WNK3: variants seen among roughly 807,000 people sequenced by gnomAD.
WNK3 encodes the protein serine/threonine-protein kinase WNK3.
A neutral mutation model predicts 116.7 loss-of-function variants in WNK3; 18 were observed. That is an observed-to-expected ratio of 0.15 (90% CI 0.11 to 0.23). WNK3 has a LOEUF of 0.23. Among genes scored for constraint, WNK3 ranks in the 10% least tolerant of loss-of-function variants. The probability of loss-of-function intolerance (pLI) is 1.00; values close to 1 mark genes in which losing one functional copy is unlikely to be tolerated. For missense variants in WNK3, 993 were observed against 1,323.8 expected (o/e 0.75, Z 3.88); for synonymous variants, 404 against 469.4 (o/e 0.86, Z 1.80).
chrX:54,248,698 T>G, exon 17 of WNK3: 1 of 1,198,783 alleles, frequency 8.3e-7, no homozygotes, highest in Non-Finnish European at 1.1e-6. Context: ...GATACTTACA[T>G]GTAAACACAA....
At chrX:54,301,159 C>A (rs782312014) in intron 6 of WNK3, among the ~76,000 whole-genome samples, 1 of 105,343 alleles carries the variant, frequency 9.5e-6, no homozygotes, top group East Asian at 3.0e-4. Context: ...AGGAGAATCG[C>A]TGGAACCCGG....
intron 10 of WNK3, among the ~76,000 whole-genome samples, chrX:54,276,137 C>T (rs781951549): frequency 9.1e-6 from 1 of 110,400 alleles, no homozygotes; most frequent in Non-Finnish European, 1.9e-5. Flanking sequence ...GTCAGGAGTT[C>T]GAGACCAGCC....
chrX:54,332,860 G>A (rs1557174528), intron 2 of WNK3, among the ~76,000 whole-genome samples: 1 of 92,543 alleles, frequency 1.1e-5, no homozygotes, highest in Non-Finnish European at 2.1e-5. Context: ...TCAAGATTCC[G>A]CCTCAAAAAA....
intron 10 of WNK3, among the ~76,000 whole-genome samples, chrX:54,275,625 A>G (rs1038220742): frequency 1.8e-5 from 2 of 110,531 alleles, no homozygotes; most frequent in South Asian, 3.8e-4. Context: ...AGAAAAGAGA[A>G]GCATAAGAAG....
chrX:54,248,058 T>C (rs1304715802), intron 17 of WNK3, among the ~76,000 whole-genome samples: 2 of 110,081 alleles, frequency 1.8e-5, no homozygotes, highest in African/African-American at 6.6e-5. Context: ...CTGGCCAACA[T>C]GGTAAAACCC....
intron 5 of WNK3, among the ~76,000 whole-genome samples, chrX:54,304,980 AAT>A (rs1243043733): frequency 9.3e-6 from 1 of 107,141 alleles, no homozygotes; most frequent in Non-Finnish European, 1.9e-5. Context: ...TTATTAAAAA[AAT>A]ATATATATAT....
intron 1 of WNK3, among the ~76,000 whole-genome samples, chrX:54,336,385 G>A (rs1292816653): frequency 9.2e-6 from 1 of 109,047 alleles, no homozygotes; most frequent in African/African-American, 3.3e-5. Flanking sequence ...ATTCAGTGGG[G>A]GAAAGAATAT....
At chrX:54,308,975 CA>C in intron 4 of WNK3, 119 bp downstream of exon 4, 1 of 554,657 alleles carries the variant, frequency 1.8e-6, no homozygotes. Flanking sequence ...ATTCGATTTA[CA>C]AAAACAGGCA....
At chrX:54,354,689 A>C (rs1603403503) in intron 1 of WNK3, among the ~76,000 whole-genome samples, 1 of 111,998 alleles carries the variant, frequency 8.9e-6, no homozygotes, top group East Asian at 2.8e-4. Context: ...AACTTAAAAA[A>C]TAATAAAATA....
chrX:54,249,221 T>C (rs1557153449), exon 17 of WNK3: 3 of 1,211,644 alleles, frequency 2.5e-6, no homozygotes, highest in Non-Finnish European at 3.4e-6. Context: ...ACTGATAAGG[T>C]TTGAGGCTTT....
chrX:54,304,524 G>C (rs2068802200), intron 5 of WNK3, among the ~76,000 whole-genome samples: 1 of 106,238 alleles, frequency 9.4e-6, no homozygotes, highest in Admixed American at 1.0e-4. Context: ...CTGGGTGACA[G>C]AGCAAACACT....
chrX:54,240,195 T>C (rs1478322353), intron 17 of WNK3, among the ~76,000 whole-genome samples: 3 of 110,051 alleles, frequency 2.7e-5, no homozygotes, highest in Non-Finnish European at 5.7e-5. Flanking sequence ...TCCCAGCTAC[T>C]TGGGAGGCTG....
chrX:54,258,831 C>A (rs1418329954), intron 11 of WNK3, among the ~76,000 whole-genome samples: 1 of 105,989 alleles, frequency 9.4e-6, no homozygotes, highest in South Asian at 4.1e-4. Context: ...GTAGAATGAA[C>A]AGGACAAAGG....
chrX:54,320,998 G>A (rs989069380), intron 2 of WNK3, among the ~76,000 whole-genome samples: 2 of 110,662 alleles, frequency 1.8e-5, no homozygotes, highest in Admixed American at 2.0e-4. Context: ...CCGGGTTCAA[G>A]CAATTCTCCT....
At chrX:54,202,789 T>C (rs2067514946) in intron 22 of WNK3, among the ~76,000 whole-genome samples, 1 of 109,496 alleles carries the variant, frequency 9.1e-6, no homozygotes, top group Non-Finnish European at 1.9e-5. Context: ...AAAATTAGTA[T>C]AAACTCTAAT....
At chrX:54,261,189 C>T (rs2068252065) in intron 10 of WNK3, among the ~76,000 whole-genome samples, 1 of 110,408 alleles carries the variant, frequency 9.1e-6, no homozygotes, top group African/African-American at 3.3e-5. Context: ...AAGAGGAATG[C>T]TTGAGCCCAG....
intron 10 of WNK3, among the ~76,000 whole-genome samples, chrX:54,279,204 A>G (rs2068486502): frequency 9.0e-6 from 1 of 110,861 alleles, no homozygotes; most frequent in South Asian, 3.7e-4. Context: ...GACTTCACAC[A>G]AAAAGCACAA....
chrX:54,306,081 T>A (rs1212311115), intron 5 of WNK3, among the ~76,000 whole-genome samples: 1 of 110,917 alleles, frequency 9.0e-6, no homozygotes, highest in Admixed American at 9.7e-5. Context: ...AAGCATGTGG[T>A]ATACCGCATG....
At chrX:54,229,034 T>A (rs1290621387) in intron 21 of WNK3, among the ~76,000 whole-genome samples, 1 of 111,176 alleles carries the variant, frequency 9.0e-6, no homozygotes, top group East Asian at 2.8e-4. Context: ...ACATAATTGC[T>A]CACTCAAAAA....
Sources: allele counts gnomAD v4.1 joint callset (sites outside exome capture counted in the v4.1 genomes callset), GRCh38; gene constraint gnomAD v4.1.1; transcripts MANE v1.5; gene names NCBI Gene and HGNC (gene_info 2026-07-23, HGNC 2026-07-21).